Variants in SRRM4 observed in about 807,000 individuals in gnomAD.
The protein encoded by SRRM4 is serine/arginine repetitive matrix protein 4.
In SRRM4, 33 loss-of-function variants were observed where a neutral mutation model predicts 68.9. The observed-to-expected ratio is 0.48, with a 90% confidence interval of 0.36 to 0.64. The LOEUF (loss-of-function observed/expected upper bound fraction) is 0.64. Among genes scored for constraint, SRRM4 ranks in the 30% least tolerant of loss-of-function variants. The pLI is 0.00. For missense variants in SRRM4, 817 were observed against 827.1 expected (o/e 0.99, Z 0.15); for synonymous variants, 318 against 318.8 (o/e 1.00, Z 0.03).
intron 1 of SRRM4, among the ~76,000 whole-genome samples, chr12:119,045,509 C>G: frequency 7.1e-6 from 1 of 140,428 alleles, no homozygotes; most frequent in South Asian, 2.7e-4. Flanking sequence ...AAAACACTCA[C>G]AGAGACACAC....
At chr12:119,140,949 T>C (rs755507948) in intron 8 of SRRM4, among the ~76,000 whole-genome samples, 4 of 152,204 alleles carry the variant, frequency 2.6e-5, no homozygotes, top group Non-Finnish European at 4.4e-5. Flanking sequence ...ATTTTATATT[T>C]CAAAGTAACT....
intron 9 of SRRM4, among the ~76,000 whole-genome samples, chr12:119,145,984 T>C (rs938714090): frequency 2.6e-5 from 4 of 152,164 alleles, no homozygotes; most frequent in Non-Finnish European, 2.9e-5. Context: ...TTGTCAAATA[T>C]GCCAAGCAGC....
chr12:119,151,263 T>G (rs778111067), intron 10 of SRRM4, 43 bp downstream of exon 10: 2 of 1,550,376 alleles, frequency 1.3e-6, no homozygotes, highest in South Asian at 2.2e-5. Flanking sequence ...CCTTTCTCCT[T>G]AGGAAATTAG....
chr12:119,025,380 C>T (rs1433122530), intron 1 of SRRM4, among the ~76,000 whole-genome samples: 1 of 151,506 alleles, frequency 6.6e-6, no homozygotes, highest in Non-Finnish European at 1.5e-5. Context: ...TTTGTTAATC[C>T]AGGCCTGCTT....
At chr12:119,114,389 AACCTGTAAG>A in intron 3 of SRRM4, 25 bp downstream of exon 3, 1 of 1,577,402 alleles carries the variant, frequency 6.3e-7, no homozygotes, top group Non-Finnish European at 8.6e-7. Context: ...AGGGAGATAA[AACCTGTAAG>A]ATGCAGGCAG....
intron 1 of SRRM4, among the ~76,000 whole-genome samples, chr12:119,059,243 C>T (rs1036264813): frequency 6.6e-6 from 1 of 152,066 alleles, no homozygotes; most frequent in Non-Finnish European, 1.5e-5. Flanking sequence ...ATTGAAAAGA[C>T]TCAGAATGCT....
At chr12:118,994,919 C>G (rs781230327) in intron 1 of SRRM4, among the ~76,000 whole-genome samples, 1 of 152,192 alleles carries the variant, frequency 6.6e-6, no homozygotes, top group Non-Finnish European at 1.5e-5. Flanking sequence ...CTAAACCTCA[C>G]AGTTCATGGG....
chr12:119,086,222 T>C (rs2136034251), intron 1 of SRRM4, among the ~76,000 whole-genome samples: 1 of 152,244 alleles, frequency 6.6e-6, no homozygotes, highest in Middle Eastern at 3.4e-3. Flanking sequence ...CACAAAAGGA[T>C]ACACCCTATA....
chr12:119,092,127 C>G (rs1406126141), intron 1 of SRRM4, among the ~76,000 whole-genome samples: 1 of 152,208 alleles, frequency 6.6e-6, no homozygotes, highest in Non-Finnish European at 1.5e-5. Flanking sequence ...TGGGGCACTT[C>G]TATTGAGCCA....
chr12:119,090,723 G>T (rs1726421046), intron 1 of SRRM4, among the ~76,000 whole-genome samples: 3 of 152,150 alleles, frequency 2.0e-5, no homozygotes, highest in Admixed American at 1.3e-4. Context: ...GTGTCCCTGA[G>T]TGTAGCACTC....
chr12:118,989,263 G>A (rs1424685315), intron 1 of SRRM4, among the ~76,000 whole-genome samples: 1 of 152,132 alleles, frequency 6.6e-6, no homozygotes, highest in Non-Finnish European at 1.5e-5. Context: ...TCAGAAGATT[G>A]GCTGGGTCCC....
At chr12:118,986,567 G>C (rs150583327) in intron 1 of SRRM4, among the ~76,000 whole-genome samples, 5 of 152,106 alleles carry the variant, frequency 3.3e-5, no homozygotes, top group Admixed American at 3.3e-4. Context: ...GTTCTGAGAC[G>C]CTGAGGCTTC....
At chr12:119,126,226 G>A (rs1487774564) in intron 7 of SRRM4, among the ~76,000 whole-genome samples, 7 of 151,740 alleles carry the variant, frequency 4.6e-5, no homozygotes, top group Non-Finnish European at 8.8e-5. Flanking sequence ...GTTTCACCGT[G>A]TTGGCCAGGC....
intron 1 of SRRM4, among the ~76,000 whole-genome samples, chr12:119,070,758 G>A (rs960197176): frequency 6.6e-6 from 1 of 152,160 alleles, no homozygotes; most frequent in Non-Finnish European, 1.5e-5. Context: ...CCGTTTTATG[G>A]TCCAAAGTCC....
chr12:119,015,556 C>A (rs1446666992), intron 1 of SRRM4, among the ~76,000 whole-genome samples: 1 of 152,064 alleles, frequency 6.6e-6, no homozygotes, highest in African/African-American at 2.4e-5. Flanking sequence ...ATGCTCTTGC[C>A]TTTTCTTCTT....
chr12:119,023,396 T>A (rs1953528254), intron 1 of SRRM4, among the ~76,000 whole-genome samples: 1 of 152,194 alleles, frequency 6.6e-6, no homozygotes, highest in African/African-American at 2.4e-5. Context: ...CTCGACCTAG[T>A]TTCCCTTAGG....
rs1954119875 is a variant in SRRM4, at chr12:119,108,318, A to T, written c.278+5936A>T. Among the ~76,000 whole-genome samples, 4 of 152,130 alleles carry T rather than the reference A, an allele frequency of 2.6e-5. No individual in the cohort carries two copies. The South Asian group carries it at 8.3e-4, about 32-fold the overall frequency. The stretch of plus-strand genomic sequence containing the variant: ...TGATTTGGGGTGGAGAGTTCTGTAG[A>T]TGTCTATTAGGTCTGCTTGGTGCAG... On this transcript the variant is annotated intron_variant, in intron 2 of 12. Transcript: ENST00000267260.
intron 1 of SRRM4, among the ~76,000 whole-genome samples, chr12:119,062,367 A>C (rs973711592): frequency 1.3e-5 from 2 of 152,222 alleles, no homozygotes; most frequent in Non-Finnish European, 2.9e-5. Context: ...AACTTAAGCT[A>C]CGCTCAATTT....
In SRRM4 at chr12:119,008,590, T is replaced by G. The variant is rs114424914; in HGVS notation, c.131+26577T>G. On this transcript the variant is annotated intron_variant, in intron 1 of 12. Transcript: ENST00000267260. ...TAGTAGCCCCAGTCCTTGGCAAGTCTCCTCACCATGCCTCAGTTTACCCAT... is the reference window on the plus strand; with the variant it reads ...TAGTAGCCCCAGTCCTTGGCAAGTCGCCTCACCATGCCTCAGTTTACCCAT... Among the ~76,000 whole-genome samples the G allele has an allele frequency of 5.9e-5, 9 of 152,110 alleles. No individual in the cohort carries two copies. In the South Asian group the frequency reaches 1.0e-3, roughly 18 times the overall value.
Sources: allele counts gnomAD v4.1 joint callset (sites outside exome capture counted in the v4.1 genomes callset), GRCh38; gene constraint gnomAD v4.1.1; transcripts MANE v1.5; gene names NCBI Gene and HGNC (gene_info 2026-07-23, HGNC 2026-07-21).